Variants in EIF2AK4 observed in about 807,000 individuals in gnomAD.
The protein encoded by EIF2AK4 is eIF-2-alpha kinase GCN2.
A neutral mutation model predicts 211.1 loss-of-function variants in EIF2AK4; 139 were observed. The ratio of observed to expected loss-of-function variants is 0.66; its 90% CI spans 0.57 to 0.76. The LOEUF is 0.76. Among genes scored for constraint, EIF2AK4 ranks in the 30% least tolerant of loss-of-function variants. The pLI, the probability that EIF2AK4 is intolerant of heterozygous loss-of-function variation, is 0.00. For synonymous variants in EIF2AK4, 710 were observed against 751.3 expected, an observed-to-expected ratio of 0.94 and a Z score of 0.90; for missense variants, 1,664 against 2,043.8, an observed-to-expected ratio of 0.81 and a Z score of 3.58.
intron 9 of EIF2AK4, 56 bp downstream of exon 9, chr15:39,967,935 G>C: frequency 3.2e-6 from 5 of 1,542,564 alleles, no homozygotes; most frequent in South Asian, 2.4e-5. Flanking sequence ...TTTTGATTGT[G>C]CTGGAGTGTG....
intron 35 of EIF2AK4, among the ~76,000 whole-genome samples, chr15:40,031,281 G>T (rs1352494687): frequency 6.6e-6 from 1 of 152,180 alleles, no homozygotes; most frequent in Non-Finnish European, 1.5e-5. Context: ...TAAATTTATA[G>T]AATATGAATG....
At chr15:39,938,063 G>A (rs2034092507) in intron 1 of EIF2AK4, among the ~76,000 whole-genome samples, 1 of 152,150 alleles carries the variant, frequency 6.6e-6, no homozygotes, top group Non-Finnish European at 1.5e-5. Flanking sequence ...CACACCCCAA[G>A]TCGTTTGTTA....
intron 31 of EIF2AK4, 86 bp downstream of exon 31, chr15:40,021,113 A>T: frequency 7.0e-7 from 1 of 1,429,408 alleles, no homozygotes; most frequent in East Asian, 2.5e-5. Flanking sequence ...AGACTGTCAA[A>T]CTCTGTTTAT....
chr15:39,956,671 C>G (rs2034396896), intron 6 of EIF2AK4, among the ~76,000 whole-genome samples: 2 of 152,136 alleles, frequency 1.3e-5, no homozygotes. Flanking sequence ...TGCTGTGGCC[C>G]CCTGTACACC....
In EIF2AK4 at chr15:39,976,719, G is replaced by A. The variant is rs1406469876; in HGVS notation, c.2124G>A (p.Ser708=). The A allele has an allele frequency of 3.7e-6, 6 of 1,602,888 alleles. No homozygotes were observed. In the East Asian group the frequency reaches 6.8e-5, roughly 18 times the overall value. Residue 708 remains serine (S), a synonymous_variant, in exon 12 of 39, where the codon TCG becomes TCA. Transcript: ENST00000263791. ...CGCCGCCACCCATCCTCAGCAGCTC[G>A]GTGGAGTGGAGCACTTCGGGCGAGC... ...AAAPPPILSS[S]VEWSTSGERS... is the part of the protein sequence containing the mutation.
chr15:39,969,755 A>T (rs2034598315), intron 9 of EIF2AK4, among the ~76,000 whole-genome samples: 1 of 152,222 alleles, frequency 6.6e-6, no homozygotes, highest in Non-Finnish European at 1.5e-5. Context: ...GGAGCTGCCA[A>T]GAACTGTTTT....
intron 3 of EIF2AK4, among the ~76,000 whole-genome samples, chr15:39,948,086 A>T (rs930002706): frequency 2.6e-5 from 4 of 152,202 alleles, no homozygotes; most frequent in African/African-American, 9.7e-5. Context: ...TATCCAGTAA[A>T]TGCCACAGCT....
intron 6 of EIF2AK4, among the ~76,000 whole-genome samples, chr15:39,957,298 C>T (rs954283192): frequency 2.6e-5 from 4 of 152,152 alleles, no homozygotes; most frequent in Non-Finnish European, 4.4e-5. Flanking sequence ...ACGCTGGGCA[C>T]GGTGGCTCAT....
chr15:40,029,007 TC>T (rs2035503001), intron 33 of EIF2AK4, among the ~76,000 whole-genome samples: 2 of 152,352 alleles, frequency 1.3e-5, no homozygotes, highest in South Asian at 4.1e-4. Flanking sequence ...TACCAAATGT[TC>T]TCCTGTGGGT....
chr15:39,940,436 G>A (rs2034129257), intron 2 of EIF2AK4, among the ~76,000 whole-genome samples: 1 of 152,222 alleles, frequency 6.6e-6, no homozygotes, highest in Non-Finnish European at 1.5e-5. Flanking sequence ...GCTTTACACA[G>A]TGGGTGGTAA....
chr15:39,958,203 G>A (rs1412068003), intron 6 of EIF2AK4, among the ~76,000 whole-genome samples: 5 of 152,070 alleles, frequency 3.3e-5, no homozygotes, highest in Non-Finnish European at 7.4e-5. Flanking sequence ...CTCATAAGTG[G>A]GCAATATGAA....
chr15:40,000,225 T>C (rs1408048210), intron 20 of EIF2AK4, among the ~76,000 whole-genome samples: 1 of 152,304 alleles, frequency 6.6e-6, no homozygotes, highest in East Asian at 1.9e-4. Flanking sequence ...CTATATCCCA[T>C]ACAAACTAAT....
At chr15:39,994,522 C>G (rs1253106411) in intron 18 of EIF2AK4, among the ~76,000 whole-genome samples, 1 of 152,146 alleles carries the variant, frequency 6.6e-6, no homozygotes, top group Non-Finnish European at 1.5e-5. Context: ...GGTGGGAGGA[C>G]TGCTTGAGGC....
At chr15:39,963,977 C>T (rs1416676070) in intron 7 of EIF2AK4, among the ~76,000 whole-genome samples, 2 of 152,204 alleles carry the variant, frequency 1.3e-5, no homozygotes, top group Non-Finnish European at 2.9e-5. Context: ...ACATTTAATG[C>T]CATGTGTTTC....
At chr15:40,021,509 G>A (rs931709182) in intron 31 of EIF2AK4, 2 of 152,560 alleles carry the variant, frequency 1.3e-5, no homozygotes, top group Non-Finnish European at 2.9e-5. Flanking sequence ...GATAATCCTG[G>A]TTGATCACTC....
chr15:39,953,808 A>G, intron 4 of EIF2AK4, 96 bp from the exon 5 acceptor site: 1 of 1,215,996 alleles, frequency 8.2e-7, no homozygotes, highest in Non-Finnish European at 1.2e-6. Flanking sequence ...GAGGGTTTGA[A>G]TTATTGAAAG....
intron 5 of EIF2AK4, 91 bp from the exon 6 acceptor site, chr15:39,955,529 T>A (rs747267745): frequency 7.6e-7 from 1 of 1,311,118 alleles, no homozygotes; most frequent in African/African-American, 1.5e-5. Context: ...AGCTTAAAAT[T>A]TGCATTCTAT....
At position 39,969,887 on chromosome 15, in the gene EIF2AK4, AT is replaced by A. The variant is rs2034600045; in HGVS notation, c.1553+2012del. ...ATTAGTGAACACCCTTTGGAGCAAG[AT>A]TTTGTTTCAAATCAGCCTCTGTGAT... On this transcript the variant is annotated intron_variant, in intron 9 of 38. Coordinates refer to ENST00000263791, the MANE Select transcript of EIF2AK4 (RefSeq NM_001013703.4). Among the ~76,000 whole-genome samples the A allele has an allele frequency of 2.0e-5, 3 of 152,266 alleles. No individual in the cohort carries two copies. In the South Asian group the frequency reaches 6.2e-4, roughly 32 times the overall value.
chr15:39,994,145 A>G (rs755595507), intron 18 of EIF2AK4, among the ~76,000 whole-genome samples: 2 of 152,340 alleles, frequency 1.3e-5, no homozygotes, highest in African/African-American at 2.4e-5. Flanking sequence ...GAAATATCTG[A>G]TGAGAAATCC....
Sources: gnomAD v4.1 joint callset for allele counts (sites outside exome capture counted in the v4.1 genomes callset) on GRCh38, gnomAD v4.1.1 for gene constraint, MANE v1.5 for transcripts, NCBI Gene and HGNC (gene_info 2026-07-23, HGNC 2026-07-21) for gene names.